The following CCDC158 variants were observed in gnomAD, a reference collection of about 807,000 sequenced individuals.
The protein encoded by CCDC158 is coiled-coil domain-containing protein 158.
Under a neutral mutation model 138.6 loss-of-function variants are expected in CCDC158, and 116 were observed. That is an observed-to-expected ratio of 0.84 (90% CI 0.72 to 0.98). The LOEUF is 0.98. CCDC158 is among the 50% of genes least tolerant of loss of function. The pLI is 0.00. For synonymous variants in CCDC158, 436 were observed against 442.4 expected, an observed-to-expected ratio of 0.99 and a Z score of 0.18; for missense variants, 1,265 against 1,306.1, an observed-to-expected ratio of 0.97 and a Z score of 0.48.
intron 18 of CCDC158, 72 bp downstream of exon 18, chr4:76,350,924 G>GT (rs1378975235): frequency 1.8e-5 from 25 of 1,425,076 alleles, no homozygotes; most frequent in African/African-American, 2.9e-5. Context: ...ATTTTTTAAC[G>GT]TAATTCTTTC....
chr4:76,414,785 T>C (rs1012878195), intron 1 of CCDC158, among the ~76,000 whole-genome samples: 1 of 152,248 alleles, frequency 6.6e-6, no homozygotes, highest in African/African-American at 2.4e-5. Context: ...TCCTTCATGA[T>C]TCTGAAACCT....
At chr4:76,366,023 G>A (rs1296949224) in intron 12 of CCDC158, among the ~76,000 whole-genome samples, 1 of 152,176 alleles carries the variant, frequency 6.6e-6, no homozygotes, top group Non-Finnish European at 1.5e-5. Flanking sequence ...ATAAGGTTTT[G>A]TGAGGATTAA....
chr4:76,329,825 G>C (rs1720864468), intron 21 of CCDC158, among the ~76,000 whole-genome samples: 1 of 152,114 alleles, frequency 6.6e-6, no homozygotes, highest in Non-Finnish European at 1.5e-5. Context: ...TCTCTCACAA[G>C]TGTACAGTGG....
intron 18 of CCDC158, chr4:76,345,736 A>G: frequency 1.8e-6 from 1 of 557,082 alleles, no homozygotes; most frequent in African/African-American, 1.9e-5. Context: ...AAATCTTAAA[A>G]AAGAGGACAC....
intron 1 of CCDC158, among the ~76,000 whole-genome samples, chr4:76,413,035 G>A (rs1043901858): frequency 1.3e-5 from 2 of 152,106 alleles, no homozygotes; most frequent in Admixed American, 6.5e-5. Flanking sequence ...TCTTGACCAG[G>A]CAACATCACT....
At chr4:76,315,729 G>A (rs1288080031) in intron 24 of CCDC158, among the ~76,000 whole-genome samples, 2 of 152,100 alleles carry the variant, frequency 1.3e-5, no homozygotes, top group Non-Finnish European at 2.9e-5. Context: ...ACTCCCCTAC[G>A]TCCTCTACCA....
At chr4:76,373,881 A>G (rs1579010401) in intron 9 of CCDC158, among the ~76,000 whole-genome samples, 1 of 152,110 alleles carries the variant, frequency 6.6e-6, no homozygotes, top group South Asian at 2.1e-4. Flanking sequence ...GTATTCCTAG[A>G]CTCTATTAAT....
At position 76,369,503 on chromosome 4, in the gene CCDC158, G is replaced by C. The variant is rs750513601; in HGVS notation, c.1270C>G (p.Arg424Gly). The C allele has an allele frequency of 1.7e-5, 28 of 1,614,004 alleles. No individual in the cohort carries two copies. Among genetic ancestry groups the C allele is most frequent in the Non-Finnish European group, 2.3e-5 (27 of 1,180,020 alleles). ...TCCAGGCGCTGCACCTCCATGTTCCGGTTGTCCAGTTCCCGCCGCAGGTGG... is the reference window on the plus strand; with the variant it reads ...TCCAGGCGCTGCACCTCCATGTTCCCGTTGTCCAGTTCCCGCCGCAGGTGG... ...IDHLRRELDN[R>G]NMEVQRLEAL... is the part of the protein sequence containing the mutation. Residue 424 changes from arginine to glycine, a missense_variant, in exon 11 of 25, where the codon CGG (arginine) becomes GGG (glycine). Coordinates refer to ENST00000682701, the MANE Select transcript of CCDC158 (RefSeq NM_001394954.1).
At position 76,389,429 on chromosome 4, in the gene CCDC158, A is replaced by T. The variant is rs200353566; in HGVS notation, c.289-4764T>A. Among the ~76,000 whole-genome samples the T allele has an allele frequency of 3.3e-5, 5 of 152,242 alleles. No homozygotes were observed. The East Asian group carries it at 7.8e-4, about 24-fold the overall frequency. The stretch of plus-strand genomic sequence containing the variant: ...TATACAGTCAGAGGAAACAAAAGAA[A>T]AAAGAAAAGAAAACAATGAAGCACA... On this transcript the variant is annotated intron_variant, in intron 4 of 24. Transcript: ENST00000682701.
intron 10 of CCDC158, among the ~76,000 whole-genome samples, chr4:76,370,601 A>C (rs1439312187): frequency 6.6e-6 from 1 of 152,212 alleles, no homozygotes. Context: ...GGAGACTGCC[A>C]TGCTTCAGGC....
At chr4:76,376,702 T>A (rs1470853578) in intron 9 of CCDC158, among the ~76,000 whole-genome samples, 1 of 152,204 alleles carries the variant, frequency 6.6e-6, no homozygotes, top group Non-Finnish European at 1.5e-5. Flanking sequence ...CAGAGTGTAC[T>A]TAGCTATATT....
intron 12 of CCDC158, among the ~76,000 whole-genome samples, chr4:76,363,540 T>C (rs1724367083): frequency 6.6e-6 from 1 of 152,182 alleles, no homozygotes; most frequent in Non-Finnish European, 1.5e-5. Context: ...AAGGCCTCTC[T>C]GATGATGTAA....
intron 4 of CCDC158, among the ~76,000 whole-genome samples, chr4:76,390,231 TA>T (rs1356970543): frequency 7.2e-5 from 11 of 152,124 alleles, no homozygotes; most frequent in African/African-American, 2.7e-4. Context: ...GTAGAGTTTG[TA>T]TTAGTTTGGT....
intron 4 of CCDC158, among the ~76,000 whole-genome samples, chr4:76,387,777 C>T (rs1028385138): frequency 1.0e-4 from 15 of 143,012 alleles, no homozygotes; most frequent in Admixed American, 4.2e-4. Flanking sequence ...GAGCTGAGAT[C>T]GCACCACTGC....
chr4:76,359,148 C>CCCTTCA, intron 13 of CCDC158, among the ~76,000 whole-genome samples: 1 of 152,190 alleles, frequency 6.6e-6, no homozygotes, highest in East Asian at 1.9e-4. Context: ...TGCTTGTTTC[C>CCCTTCA]CCTTCACCTT....
chr4:76,319,237 A>G (rs1360026525), intron 24 of CCDC158, among the ~76,000 whole-genome samples: 1 of 150,250 alleles, frequency 6.7e-6, no homozygotes, highest in Non-Finnish European at 1.5e-5. Context: ...GTGCCACTGC[A>G]CTCTAGCCTG....
intron 24 of CCDC158, among the ~76,000 whole-genome samples, chr4:76,321,065 GA>G (rs1391877144): frequency 2.6e-5 from 4 of 151,888 alleles, no homozygotes; most frequent in South Asian, 2.1e-4. Context: ...GAATCAGCAA[GA>G]AAAAAACAAA....
intron 12 of CCDC158, 139 bp downstream of exon 12, chr4:76,367,155 A>G (rs1724753655): frequency 1.1e-6 from 1 of 880,586 alleles, no homozygotes; most frequent in Non-Finnish European, 1.7e-6. Flanking sequence ...TCTCACAAAA[A>G]CACACATATA....
rs114117871 is a variant in CCDC158 at position 76,350,923 on chromosome 4, C to A, written c.2664+73G>T. The A allele has an allele frequency of 1.5e-3, 2,176 of 1,412,530 alleles. 27 individuals carry two copies. The African/African-American group carries it at 0.028, about 18-fold the overall frequency. 87.5% of individuals were successfully genotyped at this position (1,412,530 alleles called of 1,614,324 possible). Reference sequence around the variant, plus strand: ...TGGATATAGAGATATTATTTTTTAACGTAATTCTTTCCAATTTAAAATTAC... The same window carrying A: ...TGGATATAGAGATATTATTTTTTAAAGTAATTCTTTCCAATTTAAAATTAC... On this transcript the variant is annotated intron_variant, in intron 18 of 24. Coordinates refer to ENST00000682701, the MANE Select transcript of CCDC158 (RefSeq NM_001394954.1).
Sources: gnomAD v4.1 joint callset for allele counts (sites outside exome capture counted in the v4.1 genomes callset) on GRCh38, gnomAD v4.1.1 for gene constraint, MANE v1.5 for transcripts, NCBI Gene and HGNC (gene_info 2026-07-23, HGNC 2026-07-21) for gene names.